Variants in GABRG3 observed in about 807,000 individuals in gnomAD.
GABRG3 encodes gamma-aminobutyric acid type A receptor subunit gamma3.
Under a neutral mutation model 48.8 loss-of-function variants are expected in GABRG3, and 25 were observed. That is an observed-to-expected ratio of 0.51 (90% CI 0.37 to 0.72). The LOEUF is 0.72. Ranked by LOEUF, GABRG3 falls within the 30% of genes least tolerant of loss-of-function variation. The probability of loss-of-function intolerance (pLI) is 0.00; values close to 1 mark genes in which losing one functional copy is unlikely to be tolerated. For missense variants in GABRG3, 394 were observed against 577.9 expected (o/e 0.68, Z 3.26); for synonymous variants, 227 against 217.6 (o/e 1.04, Z -0.38).
In GABRG3 at chr15:27,397,958, C is replaced by T. The variant is rs554229775; in HGVS notation, c.574+69070C>T. On this transcript the variant is annotated intron_variant, in intron 5 of 9. Transcript: ENST00000615808. Reference sequence around the variant, plus strand: ...TAGCTGGGACTACAGGCGCCCGCCACCACGCCCGGCTAAATTTTTGTATTT... The same window carrying T: ...TAGCTGGGACTACAGGCGCCCGCCATCACGCCCGGCTAAATTTTTGTATTT... Among the ~76,000 whole-genome samples the T allele has an allele frequency of 1.9e-3, 292 of 152,074 alleles. 1 individual carries two copies. The highest frequency in any genetic ancestry group is 3.7e-3 in the Non-Finnish European group (255 of 68,000).
At chr15:27,363,542 T>C (rs9744299) in intron 5 of GABRG3, 2,567 of 152,144 alleles carry the variant, frequency 0.017, 73 homozygotes, top group African/African-American at 0.058. Context: ...TGCTGGAGAT[T>C]GCCCTCGGGA....
intron 5 of GABRG3, among the ~76,000 whole-genome samples, chr15:27,396,795 A>T (rs998456425): frequency 4.6e-5 from 7 of 152,188 alleles, no homozygotes; most frequent in African/African-American, 7.2e-5. Flanking sequence ...GAGATGATTT[A>T]AAAAAAGCTC....
rs1040258287 is a variant in GABRG3 at position 26,971,323 on chromosome 15, G to C, written c.-213G>C. Reference sequence around the variant, plus strand: ...GACCGGCGCTAGTGCGCGGGTGGGGGCGGCGCGCCGCGGTGGCCCGGCGTC... The same window carrying C: ...GACCGGCGCTAGTGCGCGGGTGGGGCCGGCGCGCCGCGGTGGCCCGGCGTC... On this transcript the variant is annotated 5_prime_UTR_variant, in exon 1 of 10. Transcript: ENST00000615808. The C allele has an allele frequency of 6.4e-5, 18 of 280,788 alleles. No homozygotes were observed. Among genetic ancestry groups the C allele is most frequent in the Middle Eastern group, 1.1e-3 (1 of 938 alleles). 17.4% of individuals were successfully genotyped at this position (280,788 alleles called of 1,614,324 possible). A position where few individuals can be genotyped will look rare whatever the true frequency, so the allele number is the denominator to read the frequency against.
At chr15:27,506,751 T>C (rs767276375) in intron 6 of GABRG3, among the ~76,000 whole-genome samples, 1 of 152,202 alleles carries the variant, frequency 6.6e-6, no homozygotes, top group Non-Finnish European at 1.5e-5. Context: ...GAAAAACTAA[T>C]ACATTAATTT....
intron 5 of GABRG3, among the ~76,000 whole-genome samples, chr15:27,390,175 C>T (rs977426616): frequency 3.3e-5 from 5 of 152,170 alleles, no homozygotes; most frequent in Non-Finnish European, 7.3e-5. Flanking sequence ...TAATGCTTCA[C>T]AAATCATAAC....
chr15:27,336,350 G>T (rs1002121199), intron 5 of GABRG3, among the ~76,000 whole-genome samples: 3 of 151,304 alleles, frequency 2.0e-5, no homozygotes, highest in Non-Finnish European at 4.4e-5. Flanking sequence ...AAGAAAGAAA[G>T]AAGAAATTGG....
chr15:27,236,875 A>G lies in GABRG3; in HGVS notation c.271-89934A>G, dbSNP rs1207159700. ...TGATTCCTCCAATAGCTTATTGAAT[A>G]TACGTATCCATCCCCCCACTCAGCA... On this transcript the variant is annotated intron_variant, in intron 3 of 9. Coordinates refer to ENST00000615808, the MANE Select transcript of GABRG3 (RefSeq NM_033223.5). This position sits in a 1 kb window ranked among gnomAD's most constrained non-coding sequence, Gnocchi z 4.4. 6.6e-6 allele frequency among the ~76,000 whole-genome samples: 1 copy of G among 152,166 alleles called. No homozygotes were observed. The highest frequency in any genetic ancestry group is 2.4e-5 in the African/African-American group (1 of 41,448).
chr15:27,439,463 A>C (rs143866367), intron 5 of GABRG3, among the ~76,000 whole-genome samples: 45 of 152,326 alleles, frequency 3.0e-4, no homozygotes, highest in African/African-American at 1.1e-3. Context: ...ATTGATGTTG[A>C]TCATCTGTCC....
intron 5 of GABRG3, among the ~76,000 whole-genome samples, chr15:27,413,514 T>C (rs1887860181): frequency 6.6e-6 from 1 of 152,240 alleles, no homozygotes. Flanking sequence ...GTGCTTGATG[T>C]AGCACACGAA....
chr15:27,045,780 T>A (rs1309920313), intron 3 of GABRG3, among the ~76,000 whole-genome samples: 1 of 152,172 alleles, frequency 6.6e-6, no homozygotes, highest in Non-Finnish European at 1.5e-5. Context: ...CCAAGTGCAG[T>A]GAGACAGCGG....
chr15:27,309,009 A>T, intron 3 of GABRG3, among the ~76,000 whole-genome samples: 1 of 146,248 alleles, frequency 6.8e-6, no homozygotes, highest in South Asian at 2.2e-4. Flanking sequence ...TAATGTAAAA[A>T]TATATGTTTA....
chr15:27,307,362 ACC>A lies in GABRG3; in HGVS notation c.271-19446_271-19445del, dbSNP rs1478404879. ...ATAGGTTTATATATGTTTATATATAACCATATAGGTTTATATATTTATATATA... is the reference window on the plus strand; with the variant it reads ...ATAGGTTTATATATGTTTATATATAAATATAGGTTTATATATTTATATATA... On this transcript the variant is annotated intron_variant, in intron 3 of 9. Transcript: ENST00000615808. 3.1e-3 allele frequency among the ~76,000 whole-genome samples: 304 copies of A among 97,402 alleles called. 43 individuals carry two copies. The highest frequency in any genetic ancestry group is 8.3e-3 in the African/African-American group (228 of 27,354). The allele number at this position is 97,402 out of a possible 152,430, so 63.9% of individuals were successfully genotyped here.
At chr15:27,410,376 G>A (rs1179684202) in intron 5 of GABRG3, among the ~76,000 whole-genome samples, 8 of 151,804 alleles carry the variant, frequency 5.3e-5, no homozygotes, top group African/African-American at 9.7e-5. Context: ...AGTTTAGCTT[G>A]GTATTTAGGT....
intron 3 of GABRG3, among the ~76,000 whole-genome samples, chr15:27,135,260 A>G (rs1341402616): frequency 6.6e-6 from 1 of 152,210 alleles, no homozygotes; most frequent in Non-Finnish European, 1.5e-5. Flanking sequence ...TAAAGGAACT[A>G]GGAACTGATC....
chr15:27,271,394 G>C (rs1157794758), intron 3 of GABRG3: 1 of 360,774 alleles, frequency 2.8e-6, no homozygotes, highest in Non-Finnish European at 5.5e-6. Context: ...CTTTCCACGG[G>C]TCTTACGCAG....
intron 7 of GABRG3, among the ~76,000 whole-genome samples, chr15:27,521,076 A>G (rs1891149470): frequency 6.6e-6 from 1 of 152,172 alleles, no homozygotes; most frequent in Admixed American, 6.5e-5. Context: ...ATAGTTACAT[A>G]TATTAGATGT....
At chr15:27,074,451 C>T (rs116188910) in intron 3 of GABRG3, among the ~76,000 whole-genome samples, 40 of 151,916 alleles carry the variant, frequency 2.6e-4, no homozygotes, top group African/African-American at 4.8e-4. Context: ...ACGCTGCCCA[C>T]GCTCAGTGCA....
chr15:27,192,265 T>C (rs1306433577), intron 3 of GABRG3, among the ~76,000 whole-genome samples: 2 of 152,146 alleles, frequency 1.3e-5, no homozygotes, highest in Admixed American at 1.3e-4. Context: ...AATCTGAACG[T>C]TGGCCTGCCT....
intron 3 of GABRG3, among the ~76,000 whole-genome samples, chr15:27,203,278 T>A (rs1888748017): frequency 6.6e-6 from 1 of 152,222 alleles, no homozygotes; most frequent in Non-Finnish European, 1.5e-5. Flanking sequence ...CTCCCACTTA[T>A]AAGTGATAAC....
Sources: allele counts gnomAD v4.1 joint callset (sites outside exome capture counted in the v4.1 genomes callset), GRCh38; gene constraint gnomAD v4.1.1; non-coding constraint Gnocchi (gnomAD v3.1); transcripts MANE v1.5; gene names NCBI Gene and HGNC (gene_info 2026-07-23, HGNC 2026-07-21).